Variants in RORB observed in about 807,000 individuals in gnomAD.
RORB encodes nuclear receptor ROR-beta.
A neutral mutation model predicts 59.1 loss-of-function variants in RORB; 6 were observed. The observed-to-expected ratio is 0.10, with a 90% confidence interval of 0.06 to 0.20. The LOEUF is 0.20. Among genes scored for constraint, RORB ranks in the 10% least tolerant of loss-of-function variants. RORB has a pLI of 1.00. For synonymous variants in RORB, 215 were observed against 204.5 expected (o/e 1.05, Z -0.44); for missense variants, 320 against 560.5 (o/e 0.57, Z 4.33).
intron 1 of RORB, among the ~76,000 whole-genome samples, chr9:74,580,191 G>C (rs953711936): frequency 6.6e-6 from 1 of 152,052 alleles, no homozygotes; most frequent in East Asian, 1.9e-4. Flanking sequence ...TATTTAGCAG[G>C]AGTAAAATTT....
rs572197395 is a variant in RORB at position 74,571,924 on chromosome 9, A to C, written c.8-58358A>C. Among the ~76,000 whole-genome samples the C allele has an allele frequency of 2.0e-4, 31 of 152,210 alleles. 2 individuals carry two copies. Among genetic ancestry groups the C allele is most frequent in the African/African-American group, 7.2e-4 (30 of 41,542 alleles). On this transcript the variant is annotated intron_variant, in intron 1 of 9. Coordinates refer to ENST00000376896, the MANE Select transcript of RORB (RefSeq NM_006914.4). ...CCGTGGACATTCCCAGTCGGTGCACATCTCTGCACCTCCCCCGCCCTCCTG... is the reference window on the plus strand; with the variant it reads ...CCGTGGACATTCCCAGTCGGTGCACCTCTCTGCACCTCCCCCGCCCTCCTG...
chr9:74,566,782 C>T (rs1003778131), intron 1 of RORB, among the ~76,000 whole-genome samples: 11 of 152,030 alleles, frequency 7.2e-5, no homozygotes, highest in South Asian at 2.1e-4. Context: ...GGAAACAGGG[C>T]GAGATTCCAT....
intron 3 of RORB, among the ~76,000 whole-genome samples, chr9:74,635,625 T>G (rs899969912): frequency 6.6e-6 from 1 of 152,184 alleles, no homozygotes; most frequent in Non-Finnish European, 1.5e-5. Context: ...CATCAGGCTC[T>G]GCTTAAAAGC....
chr9:74,528,774 G>A (rs1190855831), intron 1 of RORB, among the ~76,000 whole-genome samples: 2 of 151,968 alleles, frequency 1.3e-5, no homozygotes, highest in Non-Finnish European at 2.9e-5. Flanking sequence ...TTGTTGCACA[G>A]ACAAGAAGAC....
In RORB at chr9:74,577,869, G is replaced by T. The variant is rs1185591347; in HGVS notation, c.8-52413G>T. The stretch of plus-strand genomic sequence containing the variant: ...AGTAGTAATTGCTTTTGTTCAATTT[G>T]GTTTCTTAACTAAAAGGAACCTTGT... On this transcript the variant is annotated intron_variant, in intron 1 of 9. Transcript: ENST00000376896. Among the ~76,000 whole-genome samples the T allele has an allele frequency of 4.6e-5, 7 of 152,164 alleles. No homozygotes were observed. In the South Asian group the frequency reaches 6.2e-4, roughly 14 times the overall value.
intron 4 of RORB, among the ~76,000 whole-genome samples, chr9:74,649,151 T>C (rs1823950475): frequency 6.6e-6 from 1 of 152,064 alleles, no homozygotes; most frequent in African/African-American, 2.4e-5. Context: ...GGTTTCACCA[T>C]GTTGACTAGG....
At chr9:74,577,782 T>A (rs1323355) in intron 1 of RORB, among the ~76,000 whole-genome samples, 65,087 of 151,856 alleles carry the variant, frequency 0.43, 15,098 homozygotes, top group East Asian at 0.77. Flanking sequence ...AGGTTTATTA[T>A]GAGAAATAAA....
rs368424465 is a variant in RORB, at chr9:74,597,725, G to A, written c.8-32557G>A. ...TGTAATCCCAGCACTTTGGGAGACC[G>A]AGGCGGGCAGATCACCTGAGATCAG... On this transcript the variant is annotated intron_variant, in intron 1 of 9. Transcript: ENST00000376896. Among the ~76,000 whole-genome samples, 45 of 152,270 alleles carry A rather than the reference G, an allele frequency of 3.0e-4. 1 individual carries two copies. In the South Asian group the frequency reaches 8.7e-3, roughly 30 times the overall value.
intron 1 of RORB, among the ~76,000 whole-genome samples, chr9:74,512,022 A>G (rs1428646589): frequency 6.6e-6 from 1 of 152,120 alleles, no homozygotes; most frequent in East Asian, 1.9e-4. Flanking sequence ...ATTTAAAAAA[A>G]CTTTTTCCAT....
At chr9:74,559,682 G>A (rs2118187302) in intron 1 of RORB, among the ~76,000 whole-genome samples, 1 of 152,166 alleles carries the variant, frequency 6.6e-6, no homozygotes, top group South Asian at 2.1e-4. Flanking sequence ...AGGCTAGACA[G>A]GATAATAATA....
In RORB at chr9:74,536,534, A is replaced by G. The variant is rs193062323; in HGVS notation, c.7+38551A>G. Among the ~76,000 whole-genome samples the G allele has an allele frequency of 2.6e-3, 392 of 152,072 alleles. 2 individuals are homozygous for G. The highest frequency in any genetic ancestry group is 9.2e-3 in the African/African-American group (380 of 41,510). ...AGCCATTAGTTCAAATATTTGGTAAATTAATTATAAACAACTGTAAACCTC... is the reference window on the plus strand; with the variant it reads ...AGCCATTAGTTCAAATATTTGGTAAGTTAATTATAAACAACTGTAAACCTC... On this transcript the variant is annotated intron_variant, in intron 1 of 9. Transcript: ENST00000376896.
At position 74,687,979 on chromosome 9, in the gene RORB, C is replaced by T. The variant is rs1421240050; in HGVS notation, c.*2361C>T. 2 of 152,160 alleles carry T rather than the reference C, an allele frequency of 1.3e-5. No homozygotes were observed. Among genetic ancestry groups the T allele is most frequent in the Admixed American group, 1.3e-4 (2 of 15,260 alleles). The allele number at this position is 152,160 out of a possible 1,614,324, so 9.4% of individuals were successfully genotyped here. A position where few individuals can be genotyped will look rare whatever the true frequency, so the allele number is the denominator to read the frequency against. On this transcript the variant is annotated 3_prime_UTR_variant, in exon 10 of 10. Transcript: ENST00000376896. The stretch of plus-strand genomic sequence containing the variant: ...TCAGCCTGTAATTCCTGCTCAGTTG[C>T]AGAGGGAATTATTTATTTCCTCCAA...
intron 2 of RORB, among the ~76,000 whole-genome samples, chr9:74,630,824 A>C: frequency 4.3e-5 from 1 of 23,106 alleles, no homozygotes. Context: ...CTCAAGTTAC[A>C]GGAAAAAAAA....
At chr9:74,643,052 T>C (rs1459482101) in intron 4 of RORB, among the ~76,000 whole-genome samples, 16 of 152,200 alleles carry the variant, frequency 1.1e-4, no homozygotes, top group Admixed American at 1.0e-3. Context: ...AAAGATGCTA[T>C]CTGTAAAGAA....
chr9:74,525,475 A>C (rs961769793), intron 1 of RORB, among the ~76,000 whole-genome samples: 49 of 152,078 alleles, frequency 3.2e-4, no homozygotes, highest in African/African-American at 1.2e-3. Flanking sequence ...AGGAAGCTAG[A>C]GGTTTATCTT....
At chr9:74,528,876 G>T (rs912992488) in intron 1 of RORB, among the ~76,000 whole-genome samples, 1 of 152,010 alleles carries the variant, frequency 6.6e-6, no homozygotes, top group African/African-American at 2.4e-5. Context: ...TGTTTTCCAT[G>T]AGGAAATGAG....
At chr9:74,609,271 C>G (rs755705313) in intron 1 of RORB, among the ~76,000 whole-genome samples, 1 of 152,286 alleles carries the variant, frequency 6.6e-6, no homozygotes, top group East Asian at 1.9e-4. Context: ...AACTTCCCAA[C>G]ACTGCATAGC....
intron 1 of RORB, among the ~76,000 whole-genome samples, chr9:74,603,247 CT>C (rs1823096775): frequency 1.3e-5 from 2 of 152,174 alleles, no homozygotes; most frequent in African/African-American, 2.4e-5. Context: ...CTCATCATGT[CT>C]GGGCTTTTGC....
chr9:74,660,601 A>G lies in RORB; in HGVS notation c.638-16A>G. On this transcript the variant is annotated splice_polypyrimidine_tract_variant and intron_variant, in intron 4 of 9. Transcript: ENST00000376896. ...ATTTTATTCACAAACCTTTGAATTG[A>G]TATCTTTTCTCACAGACCGAATTGC... 1 of 1,600,020 alleles carries G rather than the reference A, an allele frequency of 6.2e-7. No homozygotes were observed. The highest frequency in any genetic ancestry group is 8.5e-7 in the Non-Finnish European group (1 of 1,174,864).
Sources: gnomAD v4.1 joint callset for allele counts (sites outside exome capture counted in the v4.1 genomes callset) on GRCh38, gnomAD v4.1.1 for gene constraint, MANE v1.5 for transcripts, NCBI Gene and HGNC (gene_info 2026-07-23, HGNC 2026-07-21) for gene names.